The following CXCR4 variants were observed in gnomAD, a reference collection of about 807,000 sequenced individuals.
The protein encoded by CXCR4 is C-X-C motif chemokine receptor 4, also known as C-X-C chemokine receptor type 4.
Under a neutral mutation model 22.4 loss-of-function variants are expected in CXCR4, and 6 were observed. That is an observed-to-expected ratio of 0.27 (90% CI 0.15 to 0.53). The LOEUF is 0.53. Ranked by LOEUF, CXCR4 falls within the 20% of genes least tolerant of loss-of-function variation. The probability of loss-of-function intolerance (pLI) is 0.96; values close to 1 mark genes in which losing one functional copy is unlikely to be tolerated. For missense variants in CXCR4, 300 were observed against 430.4 expected, an observed-to-expected ratio of 0.70 and a Z score of 2.68; for synonymous variants, 155 against 171.7, an observed-to-expected ratio of 0.90 and a Z score of 0.76.
At chr2:136,116,101 A>G in intron 1 of CXCR4, 189 bp from the exon 2 acceptor site, 7 of 1,495,564 alleles carry the variant, frequency 4.7e-6, no homozygotes, top group Non-Finnish European at 6.2e-6. Flanking sequence ...ATCTTTTCCC[A>G]TAGTGACTTC....
Position 136,115,491 on chromosome 2 carries a change from C to A in CXCR4, c.437G>T (p.Arg146Met), listed in dbSNP as rs542113929. The change falls in exon 2 of 2, where the codon AGG becomes ATG. Residue 146 changes from arginine to methionine, a missense_variant. Transcript: ENST00000241393. This position sits in a 1 kb window ranked among gnomAD's most constrained non-coding sequence, Gnocchi z 6.4. ...CTTTTCAGCCAACAGCTTCCTTGGC[C>A]TCTGACTGTTGGTGGCGTGGACGAT... ...LAIVHATNSQ[R>M]PRKLLAEKVV... The A allele has an allele frequency of 6.2e-7, 1 of 1,614,198 alleles. No individual in the cohort carries two copies. The highest frequency in any genetic ancestry group is 8.5e-7 in the Non-Finnish European group (1 of 1,180,036).
At position 136,115,377 on chromosome 2, in the gene CXCR4, T is replaced by C. The variant is rs774186681; in HGVS notation, c.551A>G (p.Tyr184Cys). Residue 184 changes from tyrosine (Y) to cysteine (C), a missense_variant, in exon 2 of 2, where the codon TAT (tyrosine) becomes TGT (cysteine). By Grantham distance (194) the Tyr-to-Cys change is radical. Around this residue, in one of 3 missense-constraint regions of CXCR4, gnomAD observed 137 missense variants for 153.2 expected, o/e 0.89. Transcript: ENST00000241393. This position sits in a 1 kb window ranked among gnomAD's most constrained non-coding sequence, Gnocchi z 6.4. ...FANVSEADDRYICDRFYPNDL... is the reference protein window; with the variant it reads ...FANVSEADDRCICDRFYPNDL... The stretch of plus-strand genomic sequence containing the variant: ...ATTGGGGTAGAAGCGGTCACAGATA[T>C]ATCTGTCATCTGCCTCACTGACGTT... The C allele has an allele frequency of 9.3e-6, 15 of 1,614,160 alleles. No individual in the cohort carries two copies. The highest frequency in any genetic ancestry group is 5.0e-5 in the Admixed American group (3 of 60,016).
chr2:136,115,278 G>T lies in CXCR4; in HGVS notation c.650C>A (p.Ser217Tyr), dbSNP rs1406988415. 16 of 1,614,146 alleles carry T rather than the reference G, an allele frequency of 9.9e-6. No homozygotes were observed. The highest frequency in any genetic ancestry group is 1.3e-5 in the African/African-American group (1 of 75,020). Reference protein sequence around the residue: ...GLILPGIVILSCYCIIISKLS... With the variant: ...GLILPGIVILYCYCIIISKLS... Reference sequence around the variant, plus strand: ...CTTGGAGATGATAATGCAATAGCAGGACAGGATGACAATACCAGGCAGGAT... The same window carrying T: ...CTTGGAGATGATAATGCAATAGCAGTACAGGATGACAATACCAGGCAGGAT... The change falls in exon 2 of 2, where the codon TCC (serine) becomes TAC (tyrosine). Residue 217 changes from serine to tyrosine, a missense_variant. Around this residue, in one of 3 missense-constraint regions of CXCR4, gnomAD observed 137 missense variants for 153.2 expected, o/e 0.89. Transcript: ENST00000241393. The surrounding 1 kb of genome is among the most constrained non-coding windows in gnomAD (Gnocchi z 6.4).
chr2:136,117,818 T>C (rs575118384), intron 1 of CXCR4: 1 of 533,164 alleles, frequency 1.9e-6, no homozygotes, highest in Non-Finnish European at 3.3e-6. Flanking sequence ...ACTGGAACGC[T>C]CTTTCCAGTC....
chr2:136,116,274 C>A (rs561969013), intron 1 of CXCR4: 301 of 1,160,482 alleles, frequency 2.6e-4, no homozygotes, highest in South Asian at 5.4e-4. Context: ...AAAATACACA[C>A]AAAGAGGCCA....
At position 136,115,678 on chromosome 2, in the gene CXCR4, C is replaced by G. The variant is rs368016542; in HGVS notation, c.250G>C (p.Asp84His). The change falls in exon 2 of 2, where the codon GAC (aspartate) becomes CAC (histidine). Residue 84 changes from aspartate to histidine, a missense_variant. Asp to His is a moderately conservative substitution (Grantham distance 81, BLOSUM62 -1). Coordinates refer to ENST00000241393, the MANE Select transcript of CXCR4 (RefSeq NM_003467.3). This position sits in a 1 kb window ranked among gnomAD's most constrained non-coding sequence, Gnocchi z 6.4. ...GGAAGCGTGATGACAAAGAGGAGGT[C>G]GGCCACTGACAGGTGCAGCCTGTAC... ...DKYRLHLSVA[D>H]LLFVITLPFW... 2.8e-5 allele frequency: 46 copies of G among 1,614,068 alleles called. No individual in the cohort carries two copies. Among genetic ancestry groups the G allele is most frequent in the Non-Finnish European group, 3.8e-5 (45 of 1,180,042 alleles).
intron 1 of CXCR4, chr2:136,117,800 A>C: frequency 1.0e-5 from 5 of 484,756 alleles, no homozygotes; most frequent in Non-Finnish European, 3.7e-6. Context: ...GGGGAGACAC[A>C]TGCAGCCACT....
chr2:136,116,955 A>G (rs909536309), intron 1 of CXCR4, among the ~76,000 whole-genome samples: 20 of 152,334 alleles, frequency 1.3e-4, no homozygotes, highest in Admixed American at 8.5e-4. Context: ...TCTGTCCCAC[A>G]GGGTGCTGGG....
intron 1 of CXCR4, among the ~76,000 whole-genome samples, chr2:136,117,211 C>T (rs920999372): frequency 6.6e-6 from 1 of 152,122 alleles, no homozygotes; most frequent in East Asian, 1.9e-4. Flanking sequence ...CTCCTATCCC[C>T]GGAGCGCAAA....
intron 1 of CXCR4, among the ~76,000 whole-genome samples, chr2:136,117,319 G>T (rs6712264): frequency 2.7e-5 from 4 of 149,976 alleles, no homozygotes. Flanking sequence ...ACCCACTCGC[G>T]GCCGTGGGGA....
In CXCR4 at chr2:136,118,056, T is replaced by C. The variant is rs1226785105; in HGVS notation, c.5A>G (p.Glu2Gly). The change falls in exon 1 of 2, where the codon GAG (glutamate) becomes GGG (glycine). Residue 2 changes from glutamate to glycine, a missense_variant. Transcript: ENST00000241393. M[E>G]GISIYTSDNY... ...TGAAACTGGACTTACACTGATCCCC[T>C]CCATGGTAACCGCTGGTTCTCCAGA... 1.9e-6 allele frequency: 3 copies of C among 1,613,802 alleles called. No homozygotes were observed. The East Asian group carries it at 6.7e-5, about 36-fold the overall frequency.
Position 136,115,464 on chromosome 2 carries a change from A to G in CXCR4, c.464T>C (p.Val155Ala). Residue 155 changes from valine (V) to alanine (A), a missense_variant, in exon 2 of 2, where the codon GTG becomes GCG. Coordinates refer to ENST00000241393, the MANE Select transcript of CXCR4 (RefSeq NM_003467.3). This position sits in a 1 kb window ranked among gnomAD's most constrained non-coding sequence, Gnocchi z 6.4. ...AGGGATCCAGACGCCAACATAGACCACCTTTTCAGCCAACAGCTTCCTTGG... is the reference window on the plus strand; with the variant it reads ...AGGGATCCAGACGCCAACATAGACCGCCTTTTCAGCCAACAGCTTCCTTGG... ...QRPRKLLAEKVVYVGVWIPAL... is the reference protein window; with the variant it reads ...QRPRKLLAEKAVYVGVWIPAL... The G allele has an allele frequency of 6.2e-7, 1 of 1,614,000 alleles. No homozygotes were observed. Among genetic ancestry groups the G allele is most frequent in the Non-Finnish European group, 8.5e-7 (1 of 1,179,996 alleles).
chr2:136,114,441 C>T lies in CXCR4; in HGVS notation c.*428G>A, dbSNP rs1295290440. The stretch of plus-strand genomic sequence containing the variant: ...CCACTCCTGAAAACTGAAAAACCAG[C>T]ATTTCTATACCACTTTGGGCTTTGG... On this transcript the variant is annotated 3_prime_UTR_variant, in exon 2 of 2. Coordinates refer to ENST00000241393, the MANE Select transcript of CXCR4 (RefSeq NM_003467.3). The T allele has an allele frequency of 8.5e-6, 2 of 234,940 alleles. No individual in the cohort carries two copies. The highest frequency in any genetic ancestry group is 1.7e-5 in the Non-Finnish European group (2 of 118,368). The allele number at this position is 234,940 out of a possible 1,614,324, so 14.6% of individuals were successfully genotyped here. A position where few individuals can be genotyped will look rare whatever the true frequency, so the allele number is the denominator to read the frequency against.
chr2:136,115,275 C>G lies in CXCR4; in HGVS notation c.653G>C (p.Cys218Ser), dbSNP rs756207760. The change falls in exon 2 of 2, where the codon TGC becomes TCC. Residue 218 changes from cysteine (C) to serine (S), a missense_variant. Cys to Ser is a moderately radical substitution (Grantham distance 112, BLOSUM62 -1). This residue lies in a region of CXCR4 where 137 missense variants were observed against 153.2 expected (regional missense o/e 0.89). Transcript: ENST00000241393. The surrounding 1 kb of genome is among the most constrained non-coding windows in gnomAD (Gnocchi z 6.4). Reference sequence around the variant, plus strand: ...CAGCTTGGAGATGATAATGCAATAGCAGGACAGGATGACAATACCAGGCAG... The same window carrying G: ...CAGCTTGGAGATGATAATGCAATAGGAGGACAGGATGACAATACCAGGCAG... ...LILPGIVILS[C>S]YCIIISKLSH... 12 of 1,613,980 alleles carry G rather than the reference C, an allele frequency of 7.4e-6. No individual in the cohort carries two copies. In the African/African-American group the frequency reaches 1.3e-4, roughly 18 times the overall value.
chr2:136,116,965 G>A (rs1196384822), intron 1 of CXCR4, among the ~76,000 whole-genome samples: 2 of 152,246 alleles, frequency 1.3e-5, no homozygotes, highest in Non-Finnish European at 2.9e-5. Flanking sequence ...AGGGTGCTGG[G>A]GAGCGACTGG....
chr2:136,114,579 G>A lies in CXCR4; in HGVS notation c.*290C>T, dbSNP rs1573613049. 6.6e-6 allele frequency: 2 copies of A among 301,962 alleles called. No individual in the cohort carries two copies. Among genetic ancestry groups the A allele is most frequent in the African/African-American group, 2.2e-5 (1 of 46,374 alleles). 18.7% of individuals were successfully genotyped at this position (301,962 alleles called of 1,614,324 possible). A position where few individuals can be genotyped will look rare whatever the true frequency, so the allele number is the denominator to read the frequency against. On this transcript the variant is annotated 3_prime_UTR_variant, in exon 2 of 2. Transcript: ENST00000241393. Reference sequence around the variant, plus strand: ...AGCTGGGGATCATTTCTAGCTTTACGTGATTCACTACACGCTCTGGAATGT... The same window carrying A: ...AGCTGGGGATCATTTCTAGCTTTACATGATTCACTACACGCTCTGGAATGT...
intron 1 of CXCR4, among the ~76,000 whole-genome samples, chr2:136,117,020 A>T (rs1251020207): frequency 6.6e-6 from 1 of 152,240 alleles, no homozygotes; most frequent in Non-Finnish European, 1.5e-5. Flanking sequence ...CGCTGCAGGA[A>T]ACCAAAAACT....
At chr2:136,117,035 A>G (rs1684916307) in intron 1 of CXCR4, among the ~76,000 whole-genome samples, 1 of 152,230 alleles carries the variant, frequency 6.6e-6, no homozygotes, top group Non-Finnish European at 1.5e-5. Context: ...AAAACTCCCT[A>G]GCAAGAGGGT....
Position 136,115,451 on chromosome 2 carries a change from G to A in CXCR4, c.477C>T (p.Gly159=), listed in dbSNP as rs1259138331. 5.0e-6 allele frequency: 8 copies of A among 1,614,084 alleles called. No homozygotes were observed. The highest frequency in any genetic ancestry group is 3.3e-5 in the Admixed American group (2 of 60,002). ...TCAGCAGGAGGGCAGGGATCCAGAC[G>A]CCAACATAGACCACCTTTTCAGCCA... ...KLLAEKVVYV[G]VWIPALLLTI... is the part of the protein sequence containing the mutation. Residue 159 remains glycine, a synonymous_variant, in exon 2 of 2, where the codon GGC becomes GGT. Transcript: ENST00000241393. This position sits in a 1 kb window ranked among gnomAD's most constrained non-coding sequence, Gnocchi z 6.4.
Sources: gnomAD v4.1 joint callset for allele counts (sites outside exome capture counted in the v4.1 genomes callset) on GRCh38, gnomAD v4.1.1 for gene constraint, gnomAD v4.1.1 regional missense constraint, Gnocchi (gnomAD v3.1) non-coding constraint, MANE v1.5 for transcripts, NCBI Gene and HGNC (gene_info 2026-07-23, HGNC 2026-07-21) for gene names.